Variants in SPAG9 observed in about 807,000 individuals in gnomAD.
The protein encoded by SPAG9 is C-Jun-amino-terminal kinase-interacting protein 4.
A neutral mutation model predicts 166.5 loss-of-function variants in SPAG9; 35 were observed. That is an observed-to-expected ratio of 0.21 (90% CI 0.16 to 0.28). The LOEUF (loss-of-function observed/expected upper bound fraction) is 0.28, where lower values mean the gene tolerates loss of function less well. Ranked by LOEUF, SPAG9 falls within the 10% of genes least tolerant of loss-of-function variation. The pLI, the probability that SPAG9 is intolerant of heterozygous loss-of-function variation, is 1.00. For missense variants in SPAG9, 1,235 were observed against 1,603.3 expected (o/e 0.77, Z 3.92); for synonymous variants, 534 against 565.5 (o/e 0.94, Z 0.79).
chr17:51,006,171 A>G lies in SPAG9; in HGVS notation c.1338T>C (p.Asp446=), dbSNP rs757015787. The G allele has an allele frequency of 7.4e-6, 12 of 1,614,082 alleles. No individual in the cohort carries two copies. In the South Asian group the frequency reaches 8.8e-5, roughly 12 times the overall value. ...AKVDELTCEK[D]VLQGELEAVK... is the part of the protein sequence containing the mutation. The stretch of plus-strand genomic sequence containing the variant: ...CAGCCTCCAATTCCCCTTGCAGCAC[A>G]TCTTTCTCACAGGTCAGTTCATCCA... Residue 446 remains aspartate (D), a synonymous_variant, in exon 11 of 30, where the codon GAT becomes GAC. Transcript: ENST00000262013.
chr17:51,117,172 A>G (rs2049313535), intron 1 of SPAG9, among the ~76,000 whole-genome samples: 1 of 152,204 alleles, frequency 6.6e-6, no homozygotes, highest in Non-Finnish European at 1.5e-5. Context: ...GGTATTCAAA[A>G]TATGTCCTAT....
intron 18 of SPAG9, among the ~76,000 whole-genome samples, 165 bp downstream of exon 18, chr17:50,994,892 A>C (rs1313060695): frequency 6.6e-6 from 1 of 152,204 alleles, no homozygotes; most frequent in Non-Finnish European, 1.5e-5. Context: ...TATTGCATGT[A>C]AATTATACCT....
At chr17:51,022,904 C>A (rs545358270) in intron 6 of SPAG9, among the ~76,000 whole-genome samples, 4 of 149,272 alleles carry the variant, frequency 2.7e-5, no homozygotes, top group South Asian at 2.1e-4. Flanking sequence ...GAGCTGAGAT[C>A]GCATCCAGTC....
intron 1 of SPAG9, among the ~76,000 whole-genome samples, chr17:51,089,615 TTATTTTATATATATATATATATA>T: frequency 9.3e-6 from 1 of 108,026 alleles, no homozygotes; most frequent in Non-Finnish European, 1.8e-5. Flanking sequence ...TATATACACT[TTATTTTATATATATATATATATA>T]TATATATATA....
At chr17:51,064,843 C>T (rs539250543) in intron 2 of SPAG9, among the ~76,000 whole-genome samples, 9 of 152,120 alleles carry the variant, frequency 5.9e-5, no homozygotes, top group South Asian at 4.1e-4. Flanking sequence ...GAATTTTGGC[C>T]GGGTGCGGTG....
At chr17:51,006,032 T>C in intron 11 of SPAG9, 53 bp downstream of exon 11, 6 of 1,592,188 alleles carry the variant, frequency 3.8e-6, no homozygotes, top group Non-Finnish European at 5.2e-6. Flanking sequence ...CTGTAACCCT[T>C]TGTGGCATAA....
chr17:51,099,083 G>C (rs1210325235), intron 1 of SPAG9, among the ~76,000 whole-genome samples: 2 of 134,652 alleles, frequency 1.5e-5, no homozygotes, highest in Middle Eastern at 5.3e-3. Context: ...CTGGGTGACA[G>C]AGCGAGACTC....
chr17:50,995,524 C>A lies in SPAG9; in HGVS notation c.1978G>T (p.Gly660Cys). ...TTTTTCATCTTATTTTCACCTTGAC[C>A]ATTGGTTACCTAATAATGGTGGAAG... ...LPQKYKQVTN[G>C]QGENKMKNLP... is the part of the protein sequence containing the mutation. The change falls in exon 17 of 30, where the codon GGT becomes TGT. Residue 660 changes from glycine to cysteine, a missense_variant. Physicochemically the swap from Gly to Cys is radical, Grantham distance 159. Around this residue, in one of 6 missense-constraint regions of SPAG9, gnomAD observed 493 missense variants for 559.4 expected, o/e 0.88. Coordinates refer to ENST00000262013, the MANE Select transcript of SPAG9 (RefSeq NM_001130528.3). 6.2e-7 allele frequency: 1 copy of A among 1,602,864 alleles called. No homozygotes were observed. Among genetic ancestry groups the A allele is most frequent in the Non-Finnish European group, 8.5e-7 (1 of 1,169,936 alleles).
At chr17:51,102,705 T>C (rs567690292) in intron 1 of SPAG9, among the ~76,000 whole-genome samples, 1 of 152,164 alleles carries the variant, frequency 6.6e-6, no homozygotes, top group South Asian at 2.1e-4. Context: ...GGTTTTACCA[T>C]GTTGGCCAGG....
intron 4 of SPAG9, among the ~76,000 whole-genome samples, chr17:51,043,502 CCTTT>C (rs1373253683): frequency 6.6e-6 from 1 of 151,854 alleles, no homozygotes; most frequent in Non-Finnish European, 1.5e-5. Flanking sequence ...TTTAAAATGC[CCTTT>C]CTTTCATTAA....
chr17:51,001,323 G>A (rs563599533), intron 13 of SPAG9, among the ~76,000 whole-genome samples: 1 of 152,310 alleles, frequency 6.6e-6, no homozygotes, highest in Non-Finnish European at 1.5e-5. Flanking sequence ...AGTTAGAAAA[G>A]AGAGAAAGAA....
chr17:51,005,996 A>G, intron 11 of SPAG9, 89 bp downstream of exon 11: 1 of 1,446,062 alleles, frequency 6.9e-7, no homozygotes, highest in Non-Finnish European at 9.5e-7. Flanking sequence ...TTGAGTGGAC[A>G]GAAGGTCTCA....
intron 24 of SPAG9, 23 bp from the exon 25 acceptor site, chr17:50,982,695 T>C (rs776334600): frequency 3.8e-6 from 6 of 1,580,842 alleles, no homozygotes; most frequent in Middle Eastern, 1.7e-4. Flanking sequence ...TAAAAGGTTA[T>C]AGTAAATACA....
chr17:50,973,046 A>G (rs916049316), intron 28 of SPAG9, among the ~76,000 whole-genome samples: 9 of 152,366 alleles, frequency 5.9e-5, no homozygotes, highest in Admixed American at 3.9e-4. Context: ...AGAAGAATGA[A>G]TAAAATGTAG....
chr17:51,108,625 T>C (rs927608851), intron 1 of SPAG9, among the ~76,000 whole-genome samples: 5 of 151,846 alleles, frequency 3.3e-5, no homozygotes, highest in Admixed American at 3.3e-4. Flanking sequence ...GCGTCTCAAG[T>C]AGCTGGAGCC....
chr17:51,007,365 G>A (rs764815991), intron 9 of SPAG9, 39 bp from the exon 10 acceptor site: 2 of 1,154,470 alleles, frequency 1.7e-6, no homozygotes, highest in Admixed American at 4.0e-5. Context: ...GAAAATAAAT[G>A]CATCAATAAT....
At chr17:51,106,870 G>A (rs1397310617) in intron 1 of SPAG9, among the ~76,000 whole-genome samples, 2 of 151,546 alleles carry the variant, frequency 1.3e-5, no homozygotes, top group Non-Finnish European at 1.5e-5. Context: ...TTGGGAGGCT[G>A]AAGTGTGCAG....
intron 1 of SPAG9, among the ~76,000 whole-genome samples, chr17:51,118,011 G>A (rs2049344020): frequency 6.6e-6 from 1 of 151,734 alleles, no homozygotes; most frequent in South Asian, 2.1e-4. Context: ...GGGCGGGGTG[G>A]CACGTGCCTA....
chr17:51,016,924 AT>A (rs2045723618), intron 8 of SPAG9, among the ~76,000 whole-genome samples: 1 of 152,270 alleles, frequency 6.6e-6, no homozygotes, highest in Admixed American at 6.5e-5. Flanking sequence ...AAATAAAAAA[AT>A]AAATGAAATG....
Sources: allele counts gnomAD v4.1 joint callset (sites outside exome capture counted in the v4.1 genomes callset), GRCh38; gene constraint gnomAD v4.1.1; regional missense constraint gnomAD v4.1.1; transcripts MANE v1.5; gene names NCBI Gene and HGNC (gene_info 2026-07-23, HGNC 2026-07-21).